STRN3: variants seen among roughly 807,000 people sequenced by gnomAD.
STRN3 encodes striatin 3, also known as striatin-3.
Under a neutral mutation model 95.6 loss-of-function variants are expected in STRN3, and 29 were observed. The ratio of observed to expected loss-of-function variants is 0.30; its 90% confidence interval spans 0.23 to 0.41. The LOEUF (loss-of-function observed/expected upper bound fraction) is 0.41, where lower values mean the gene tolerates loss of function less well. Among genes scored for constraint, STRN3 ranks in the 10% least tolerant of loss-of-function variants. STRN3 has a pLI of 1.00. For missense variants in STRN3, 890 were observed against 972.1 expected, an observed-to-expected ratio of 0.92 and a Z score of 1.12; for synonymous variants, 331 against 357.6, an observed-to-expected ratio of 0.93 and a Z score of 0.84.
chr14:30,901,368 CT>C (rs1441751093), intron 16 of STRN3, among the ~76,000 whole-genome samples: 1 of 152,084 alleles, frequency 6.6e-6, no homozygotes, highest in East Asian at 1.9e-4. Flanking sequence ...TAAATATTCA[CT>C]TTGTCTGCAA....
At chr14:30,984,292 ACAG>A (rs368927001) in intron 1 of STRN3, among the ~76,000 whole-genome samples, 50 of 127,258 alleles carry the variant, frequency 3.9e-4, no homozygotes, top group East Asian at 6.8e-4. Context: ...AAAAAAAAAA[ACAG>A]AAAAGAATTA....
chr14:30,906,498 T>C (rs1489964948), intron 14 of STRN3, among the ~76,000 whole-genome samples: 1 of 152,182 alleles, frequency 6.6e-6, no homozygotes, highest in Non-Finnish European at 1.5e-5. Flanking sequence ...TCAACTAGTG[T>C]GCTCGAGGTA....
chr14:30,979,791 C>T (rs1381310290), intron 1 of STRN3, among the ~76,000 whole-genome samples: 2 of 151,642 alleles, frequency 1.3e-5, no homozygotes, highest in South Asian at 2.1e-4. Flanking sequence ...GTATAGATGG[C>T]GTTTCACCAT....
chr14:30,997,388 A>C (rs186176581), intron 1 of STRN3, among the ~76,000 whole-genome samples: 2 of 152,206 alleles, frequency 1.3e-5, no homozygotes, highest in African/African-American at 2.4e-5. Context: ...CCTACACCCC[A>C]GTAGGCAATA....
chr14:31,021,725 G>A (rs919014872), intron 1 of STRN3, among the ~76,000 whole-genome samples: 1 of 152,212 alleles, frequency 6.6e-6, no homozygotes, highest in African/African-American at 2.4e-5. Flanking sequence ...CAGAGTGTTG[G>A]TTAAGTACAT....
intron 1 of STRN3, among the ~76,000 whole-genome samples, chr14:30,999,983 G>A (rs1882370739): frequency 6.6e-6 from 1 of 152,094 alleles, no homozygotes; most frequent in African/African-American, 2.4e-5. Context: ...TGGCAGCAGT[G>A]GGATATATTC....
intron 1 of STRN3, among the ~76,000 whole-genome samples, chr14:30,962,216 G>T (rs1484337595): frequency 6.6e-6 from 1 of 152,090 alleles, no homozygotes; most frequent in African/African-American, 2.4e-5. Context: ...CTAGAAGAAA[G>T]CTAATAGAAT....
chr14:30,969,218 G>A (rs1234493453), intron 1 of STRN3, among the ~76,000 whole-genome samples: 2 of 152,192 alleles, frequency 1.3e-5, no homozygotes, highest in Non-Finnish European at 2.9e-5. Flanking sequence ...GGCAAATCAT[G>A]AGGTCAGGAG....
intron 9 of STRN3, among the ~76,000 whole-genome samples, chr14:30,915,767 C>A (rs1337315461): frequency 6.6e-6 from 1 of 152,164 alleles, no homozygotes. Context: ...CAAACATTCA[C>A]TGACACAAAT....
At chr14:30,937,936 C>T (rs541444022) in intron 5 of STRN3, among the ~76,000 whole-genome samples, 5 of 152,246 alleles carry the variant, frequency 3.3e-5, no homozygotes, top group African/African-American at 1.2e-4. Context: ...GTGGTTCTAG[C>T]ATACATACCT....
chr14:30,897,539 C>T (rs955194330), intron 16 of STRN3, among the ~76,000 whole-genome samples: 2 of 152,134 alleles, frequency 1.3e-5, no homozygotes, highest in Non-Finnish European at 2.9e-5. Flanking sequence ...GAGCTGAGAT[C>T]GTGCCACTGC....
At chr14:31,011,510 G>T (rs1406443417) in intron 1 of STRN3, among the ~76,000 whole-genome samples, 1 of 152,130 alleles carries the variant, frequency 6.6e-6, no homozygotes, top group African/African-American at 2.4e-5. Flanking sequence ...GGGCGTGGTG[G>T]CACACGCCTG....
chr14:30,929,966 A>AAAAAAAAAAAAAAAAAAC (rs1555317368), intron 7 of STRN3, among the ~76,000 whole-genome samples: 4 of 108,306 alleles, frequency 3.7e-5, no homozygotes, highest in Non-Finnish European at 5.4e-5. Context: ...AAAAAAAAAA[A>AAAAAAAAAAAAAAAAAAC]AAAAAAAAAA....
At chr14:30,906,643 A>T (rs1412296750) in intron 14 of STRN3, among the ~76,000 whole-genome samples, 1 of 152,178 alleles carries the variant, frequency 6.6e-6, no homozygotes, top group African/African-American at 2.4e-5. Flanking sequence ...TGTTATATAC[A>T]ATAGTTTTAC....
At chr14:30,968,408 G>A (rs981119637) in intron 1 of STRN3, among the ~76,000 whole-genome samples, 3 of 148,622 alleles carry the variant, frequency 2.0e-5, no homozygotes, top group East Asian at 2.0e-4. Context: ...AAAAACAGGC[G>A]TGGTGGCTCA....
intron 7 of STRN3, 100 bp from the exon 8 acceptor site, chr14:30,929,411 A>T (rs1878367536): frequency 1.2e-5 from 11 of 896,442 alleles, no homozygotes; most frequent in Non-Finnish European, 2.0e-5. Context: ...AATAAAATGT[A>T]CTAATAGCAT....
At position 30,956,182 on chromosome 14, in the gene STRN3, C is replaced by T. The variant is rs1468865251; in HGVS notation, c.343G>A (p.Val115Ile). The T allele has an allele frequency of 1.2e-6, 2 of 1,613,870 alleles. No homozygotes were observed. The highest frequency in any genetic ancestry group is 1.7e-6 in the Non-Finnish European group (2 of 1,179,990). The stretch of plus-strand genomic sequence containing the variant: ...TACTCTAACATCTTTATTCTTCTTA[C>T]TAAGTCCTTCTTCAGGTTCTCTTGA... ...KGQENLKKDLVRRIKMLEYAL... is the reference protein window; with the variant it reads ...KGQENLKKDLIRRIKMLEYAL... The change falls in exon 2 of 18, where the codon GTA becomes ATA. Residue 115 changes from valine to isoleucine, a missense_variant. Around this residue, in one of 3 missense-constraint regions of STRN3, gnomAD observed 526 missense variants for 526.3 expected, o/e 1.00. Transcript: ENST00000357479.
intron 1 of STRN3, among the ~76,000 whole-genome samples, chr14:30,959,463 T>C (rs917641718): frequency 6.6e-6 from 1 of 152,164 alleles, no homozygotes; most frequent in Non-Finnish European, 1.5e-5. Flanking sequence ...ATCACGTATC[T>C]AGAGGGTAAA....
rs143691121 is a variant in STRN3 at position 30,935,885 on chromosome 14, G to A, written c.847-581C>T. ...ACTGTCATTTTTTTCTTATGTTACC[G>A]TAAAATCTCAAATACCAACAACTAA... On this transcript the variant is annotated intron_variant, in intron 6 of 17. Transcript: ENST00000357479. Among the ~76,000 whole-genome samples, 582 of 152,122 alleles carry A rather than the reference G, an allele frequency of 3.8e-3. 4 individuals are homozygous for A. Among genetic ancestry groups the A allele is most frequent in the Non-Finnish European group, 5.5e-3 (377 of 67,984 alleles).
Sources: allele counts gnomAD v4.1 joint callset (sites outside exome capture counted in the v4.1 genomes callset), GRCh38; gene constraint gnomAD v4.1.1; regional missense constraint gnomAD v4.1.1; transcripts MANE v1.5; gene names NCBI Gene and HGNC (gene_info 2026-07-23, HGNC 2026-07-21).